Variants in MAPK9 observed in about 807,000 individuals in gnomAD.
The protein encoded by MAPK9 is mitogen-activated protein kinase 9, also known as Jun kinase.
In MAPK9, 30 loss-of-function variants were observed where a neutral mutation model predicts 57.1. That is an observed-to-expected ratio of 0.53 (90% confidence interval 0.39 to 0.71). The LOEUF (loss-of-function observed/expected upper bound fraction) is 0.71, where lower values mean the gene tolerates loss of function less well. Ranked by LOEUF, MAPK9 falls within the 30% of genes least tolerant of loss-of-function variation. The pLI, the probability that MAPK9 is intolerant of heterozygous loss-of-function variation, is 0.00. For synonymous variants in MAPK9, 155 were observed against 177.0 expected (o/e 0.88, Z 0.99); for missense variants, 362 against 521.0 (o/e 0.69, Z 2.97).
chr5:180,241,304 A>AAT, intron 8 of MAPK9, 149 bp from the exon 9 acceptor site: 3 of 523,866 alleles, frequency 5.7e-6, no homozygotes, highest in Non-Finnish European at 8.6e-6. Context: ...ATAACCCAAA[A>AAT]TTTTTTTTTT....
intron 5 of MAPK9, 51 bp downstream of exon 5, chr5:180,261,633 T>C: frequency 6.7e-7 from 1 of 1,495,730 alleles, no homozygotes; most frequent in South Asian, 1.3e-5. Flanking sequence ...TAAAGGATTA[T>C]GACAACCAAA....
chr5:180,290,643 T>A (rs12658400), intron 1 of MAPK9, among the ~76,000 whole-genome samples: 58,252 of 152,132 alleles, frequency 0.38, 12,219 homozygotes, highest in Non-Finnish European at 0.48. Flanking sequence ...GTTCCAACAG[T>A]TAGCAATTAA....
intron 5 of MAPK9, among the ~76,000 whole-genome samples, chr5:180,259,746 A>T (rs961906439): frequency 1.3e-5 from 2 of 152,232 alleles, no homozygotes; most frequent in African/African-American, 2.4e-5. Flanking sequence ...CAGACTTGCA[A>T]TGTGGTGAAG....
chr5:180,261,677 C>G lies in MAPK9; in HGVS notation c.450+7G>C. 9 of 1,598,022 alleles carry G rather than the reference C, an allele frequency of 5.6e-6. No homozygotes were observed. Among genetic ancestry groups the G allele is most frequent in the Non-Finnish European group, 7.7e-6 (9 of 1,172,964 alleles). On this transcript the variant is annotated splice_region_variant and intron_variant, in intron 5 of 11. Transcript: ENST00000452135. ...TTTAAAAATAAAATTAATACATCAC[C>G]ACTTACTCTATGAATTATACCAGCT... is the stretch of plus-strand genomic sequence containing the variant.
intron 3 of MAPK9, among the ~76,000 whole-genome samples, chr5:180,266,515 A>G (rs909788912): frequency 1.3e-5 from 2 of 151,966 alleles, no homozygotes; most frequent in African/African-American, 4.8e-5. Context: ...GGGTTTCACC[A>G]CGCTGGCCAA....
chr5:180,237,370 T>C, intron 11 of MAPK9: 1 of 152,232 alleles, frequency 6.6e-6, no homozygotes. Flanking sequence ...GACAATGATA[T>C]AACGTGAGCG....
chr5:180,239,840 G>T, intron 10 of MAPK9, 84 bp downstream of exon 10: 1 of 1,362,622 alleles, frequency 7.3e-7, no homozygotes, highest in Non-Finnish European at 1.0e-6. Context: ...TTCCTGAAGG[G>T]AAATGTCACA....
chr5:180,247,290 TAATTAACA>T lies in MAPK9; in HGVS notation c.688+141_688+148del. ...AATTGAACCACTTGGCTTGTGACAC[TAATTAACA>T]AATACAGTAAAGCCCCCCTTAGAAC... is the stretch of plus-strand genomic sequence containing the variant. On this transcript the variant is annotated intron_variant, in intron 7 of 11. Coordinates refer to ENST00000452135, the MANE Select transcript of MAPK9 (RefSeq NM_002752.5). This position sits in a 1 kb window ranked among gnomAD's most constrained non-coding sequence, Gnocchi z 4.5. 1 of 755,472 alleles carries T rather than the reference TAATTAACA, an allele frequency of 1.3e-6. No homozygotes were observed. Among genetic ancestry groups the T allele is most frequent in the Non-Finnish European group, 2.2e-6 (1 of 460,068 alleles). The allele number at this position is 755,472 out of a possible 1,614,324, so 46.8% of individuals were successfully genotyped here. A position where few individuals can be genotyped will look rare whatever the true frequency, so the allele number is the denominator to read the frequency against.
At chr5:180,260,385 C>T (rs1013908773) in intron 5 of MAPK9, among the ~76,000 whole-genome samples, 2 of 152,108 alleles carry the variant, frequency 1.3e-5, no homozygotes, top group African/African-American at 2.4e-5. Flanking sequence ...AGAACTCCCA[C>T]TGAGAACAAA....
At chr5:180,276,140 G>A (rs1436885105) in intron 2 of MAPK9, among the ~76,000 whole-genome samples, 1 of 152,092 alleles carries the variant, frequency 6.6e-6, no homozygotes, top group Non-Finnish European at 1.5e-5. Context: ...CTCAAACCAT[G>A]TCTCCTTTAT....
chr5:180,236,627 G>C, intron 11 of MAPK9, 101 bp from the exon 12 acceptor site: 3 of 1,313,272 alleles, frequency 2.3e-6, no homozygotes, highest in Non-Finnish European at 3.2e-6. Context: ...TCCTTTTGCA[G>C]TTTCCCAATC....
chr5:180,253,748 G>C (rs1024177811), intron 5 of MAPK9: 2 of 152,258 alleles, frequency 1.3e-5, no homozygotes, highest in Admixed American at 6.5e-5. Flanking sequence ...TTTGCGCTCT[G>C]CCACATGAGA....
In MAPK9 at chr5:180,247,243, T is replaced by C. The variant is rs1173292551; in HGVS notation, c.688+196A>G. 33 of 613,832 alleles carry C rather than the reference T, an allele frequency of 5.4e-5. No individual in the cohort carries two copies. Among genetic ancestry groups the C allele is most frequent in the Non-Finnish European group, 8.3e-5 (29 of 351,252 alleles). The allele number at this position is 613,832 out of a possible 1,614,324, so 38.0% of individuals were successfully genotyped here. ...TAAGTCTCAAAGTCATCACAGGTAG[T>C]CAAGTTAAAAATAAAGAATGAAATT... On this transcript the variant is annotated intron_variant, in intron 7 of 11. Coordinates refer to ENST00000452135, the MANE Select transcript of MAPK9 (RefSeq NM_002752.5). This position sits in a 1 kb window ranked among gnomAD's most constrained non-coding sequence, Gnocchi z 4.5.
chr5:180,270,007 T>A (rs906554752), intron 2 of MAPK9, among the ~76,000 whole-genome samples: 1 of 152,252 alleles, frequency 6.6e-6, no homozygotes, highest in Non-Finnish European at 1.5e-5. Flanking sequence ...ACTACTATAG[T>A]AAGAATAAAA....
chr5:180,290,400 C>T (rs576283900), intron 1 of MAPK9, among the ~76,000 whole-genome samples: 1 of 152,322 alleles, frequency 6.6e-6, no homozygotes, highest in Admixed American at 6.5e-5. Context: ...CATAGCCCCT[C>T]CCCTATAGCA....
chr5:180,243,942 G>A (rs1757861322), intron 7 of MAPK9, among the ~76,000 whole-genome samples: 1 of 152,082 alleles, frequency 6.6e-6, no homozygotes. Flanking sequence ...CCACCTCCCG[G>A]GCTCAAGTAA....
chr5:180,276,461 A>C (rs1338164038), intron 2 of MAPK9, among the ~76,000 whole-genome samples: 2 of 152,260 alleles, frequency 1.3e-5, no homozygotes, highest in Non-Finnish European at 2.9e-5. Flanking sequence ...GTATGAAAGA[A>C]ATGTACATAC....
At chr5:180,280,126 T>C (rs1581302419) in intron 2 of MAPK9, 1 of 471,676 alleles carries the variant, frequency 2.1e-6, no homozygotes, top group East Asian at 5.6e-5. Flanking sequence ...AAATTTCTGT[T>C]ACAACTCACT....
At chr5:180,272,626 C>T (rs988509625) in intron 2 of MAPK9, among the ~76,000 whole-genome samples, 1 of 152,234 alleles carries the variant, frequency 6.6e-6, no homozygotes, top group Non-Finnish European at 1.5e-5. Context: ...TTGAAATCTT[C>T]TGTGTCTGAC....
Sources: allele counts gnomAD v4.1 joint callset (sites outside exome capture counted in the v4.1 genomes callset), GRCh38; gene constraint gnomAD v4.1.1; non-coding constraint Gnocchi (gnomAD v3.1); transcripts MANE v1.5; gene names NCBI Gene and HGNC (gene_info 2026-07-23, HGNC 2026-07-21).